Variants in CENPP observed in about 807,000 individuals in gnomAD.
CENPP encodes centromere protein P.
CENPP carries 24 observed loss-of-function variants against 35.6 expected under a neutral mutation model. The ratio of observed to expected loss-of-function variants is 0.67; its 90% confidence interval spans 0.49 to 0.95. The LOEUF is 0.95. Ranked by LOEUF, CENPP falls within the 40% of genes least tolerant of loss-of-function variation. CENPP has a pLI of 0.00. For synonymous variants in CENPP, 120 were observed against 125.5 expected (o/e 0.96, Z 0.29); for missense variants, 332 against 345.3 (o/e 0.96, Z 0.31).
At chr9:92,471,664 C>CTTTTTT (rs569488274) in intron 5 of CENPP, among the ~76,000 whole-genome samples, 1 of 135,760 alleles carries the variant, frequency 7.4e-6, no homozygotes, top group African/African-American at 2.7e-5. Flanking sequence ...ATATATTATT[C>CTTTTTT]TTTTTTTTTT....
At chr9:92,545,298 T>C (rs763242816) in intron 5 of CENPP, among the ~76,000 whole-genome samples, 54 of 151,794 alleles carry the variant, frequency 3.6e-4, no homozygotes, top group Non-Finnish European at 6.3e-4. Context: ...GAACCAGGGC[T>C]GCGTGTGGCA....
At chr9:92,563,475 A>C (rs1371462295) in intron 5 of CENPP, among the ~76,000 whole-genome samples, 1 of 152,204 alleles carries the variant, frequency 6.6e-6, no homozygotes. Context: ...TATTAGAGTC[A>C]ATAGTCTATA....
intron 5 of CENPP, among the ~76,000 whole-genome samples, chr9:92,566,412 ATC>A (rs935504093): frequency 6.6e-6 from 1 of 152,176 alleles, no homozygotes; most frequent in African/African-American, 2.4e-5. Flanking sequence ...CTAATGGCAG[ATC>A]TACTAGTTAA....
intron 5 of CENPP, among the ~76,000 whole-genome samples, chr9:92,534,194 TTTTA>T (rs1563991991): frequency 6.6e-6 from 1 of 152,226 alleles, no homozygotes; most frequent in African/African-American, 2.4e-5. Context: ...GAGCTCCCCT[TTTTA>T]TTTCCTAGTG....
chr9:92,519,618 T>G (rs1243805339), intron 5 of CENPP, among the ~76,000 whole-genome samples: 2 of 152,168 alleles, frequency 1.3e-5, no homozygotes, highest in Non-Finnish European at 2.9e-5. Flanking sequence ...TGAAGCTGAA[T>G]CCCTACCTTT....
At chr9:92,454,142 G>A (rs560953342) in intron 5 of CENPP, among the ~76,000 whole-genome samples, 1 of 152,080 alleles carries the variant, frequency 6.6e-6, no homozygotes, top group Non-Finnish European at 1.5e-5. Flanking sequence ...TGTGTTTTTG[G>A]CAGTAAATGT....
chr9:92,513,532 A>C (rs574037777), intron 5 of CENPP, among the ~76,000 whole-genome samples: 1 of 152,298 alleles, frequency 6.6e-6, no homozygotes, highest in South Asian at 2.1e-4. Flanking sequence ...ATCACCCCAA[A>C]CTGGAAACAA....
At chr9:92,518,893 A>C (rs972956798) in intron 5 of CENPP, among the ~76,000 whole-genome samples, 1 of 152,174 alleles carries the variant, frequency 6.6e-6, no homozygotes, top group African/African-American at 2.4e-5. Flanking sequence ...TCCCTAAATA[A>C]ATAAATAAAC....
At position 92,361,877 on chromosome 9, in the gene CENPP, A is replaced by G. The variant is rs75479309; in HGVS notation, c.467+16090A>G. Among the ~76,000 whole-genome samples, 694 of 152,114 alleles carry G rather than the reference A, an allele frequency of 4.6e-3. 5 individuals are homozygous for G. The highest frequency in any genetic ancestry group is 0.015 in the African/African-American group (602 of 41,444). ...GACATTGATATGATACTTTTATCTA[A>G]TATGCTTTCCATATGCCAGTTTTCT... is the stretch of plus-strand genomic sequence containing the variant. On this transcript the variant is annotated intron_variant, in intron 4 of 7. Transcript: ENST00000375587.
rs149692998 is a variant in CENPP, at chr9:92,560,511, C to T, written c.565-50803C>T. 3.7e-3 allele frequency among the ~76,000 whole-genome samples: 557 copies of T among 152,284 alleles called. 2 individuals are homozygous for T. Among genetic ancestry groups the T allele is most frequent in the South Asian group, 9.1e-3 (44 of 4,830 alleles). ...AGCCCAAGTGTTCAGTGGTGGACAG[C>T]GACTATGTCCAGGTTGGGTCACAGT... On this transcript the variant is annotated intron_variant, in intron 5 of 7. Transcript: ENST00000375587.
chr9:92,386,773 G>T (rs867417508), intron 5 of CENPP, among the ~76,000 whole-genome samples: 5 of 152,042 alleles, frequency 3.3e-5, no homozygotes, highest in African/African-American at 4.8e-5. Flanking sequence ...TAGTAGAGAC[G>T]AGGTTTCACC....
intron 5 of CENPP, among the ~76,000 whole-genome samples, chr9:92,426,848 A>G (rs1843980585): frequency 1.3e-5 from 2 of 152,222 alleles, no homozygotes; most frequent in South Asian, 2.1e-4. Flanking sequence ...ATTATGTTAT[A>G]TACACATAGT....
intron 5 of CENPP, among the ~76,000 whole-genome samples, chr9:92,489,122 C>T (rs572442771): frequency 1.3e-5 from 2 of 152,260 alleles, no homozygotes; most frequent in Non-Finnish European, 2.9e-5. Flanking sequence ...GAAATCCAGC[C>T]GGGCTTACAG....
intron 4 of CENPP, among the ~76,000 whole-genome samples, chr9:92,366,733 T>C (rs756235391): frequency 1.3e-5 from 2 of 152,220 alleles, no homozygotes; most frequent in Non-Finnish European, 2.9e-5. Context: ...AGCTGAATGA[T>C]TATTACACAC....
At position 92,373,757 on chromosome 9, in the gene CENPP, C is replaced by T. The variant is rs559446669; in HGVS notation, c.468-6006C>T. Among the ~76,000 whole-genome samples, 574 of 152,028 alleles carry T rather than the reference C, an allele frequency of 3.8e-3. 5 individuals carry two copies. Among genetic ancestry groups the T allele is most frequent in the African/African-American group, 0.013 (555 of 41,462 alleles). On this transcript the variant is annotated intron_variant, in intron 4 of 7. Transcript: ENST00000375587. ...AAGAGAATCACTTGAACCCAGGAGG[C>T]GGAGGTTGCAGTGAGCCGAGATCAT... is the stretch of plus-strand genomic sequence containing the variant.
At chr9:92,446,820 A>G (rs1449771322) in intron 5 of CENPP, among the ~76,000 whole-genome samples, 1 of 151,718 alleles carries the variant, frequency 6.6e-6, no homozygotes, top group Non-Finnish European at 1.5e-5. Context: ...CTTAAAAAAA[A>G]AAAAAAATAG....
chr9:92,357,453 A>G (rs559585359), intron 4 of CENPP, among the ~76,000 whole-genome samples: 3 of 147,348 alleles, frequency 2.0e-5, no homozygotes, highest in African/African-American at 7.5e-5. Context: ...CCCTTTGATC[A>G]TCTCCCTCAT....
chr9:92,595,164 C>T (rs1461267089), intron 5 of CENPP, among the ~76,000 whole-genome samples: 2 of 152,170 alleles, frequency 1.3e-5, no homozygotes, highest in African/African-American at 2.4e-5. Flanking sequence ...TCCCAAAGTG[C>T]TGGGATTACA....
At chr9:92,386,163 G>A (rs1371048607) in intron 5 of CENPP, 1 of 1,426,274 alleles carries the variant, frequency 7.0e-7, no homozygotes, top group Admixed American at 1.7e-5. Flanking sequence ...TGACTCATAG[G>A]TAATTAGAGT....
Sources: gnomAD v4.1 joint callset for allele counts (sites outside exome capture counted in the v4.1 genomes callset) on GRCh38, gnomAD v4.1.1 for gene constraint, MANE v1.5 for transcripts, NCBI Gene and HGNC (gene_info 2026-07-23, HGNC 2026-07-21) for gene names.